OR2L13: variants seen among roughly 807,000 people sequenced by gnomAD.
OR2L13 encodes olfactory receptor 2L13.
OR2L13 carries 14 observed loss-of-function variants against 15.3 expected under a neutral mutation model. The observed-to-expected ratio is 0.91, with a 90% CI of 0.60 to 1.43. The LOEUF is 1.43. OR2L13 is among the 40% of genes most tolerant of loss of function. The pLI is 0.00. For synonymous variants in OR2L13, 152 were observed against 142.9 expected (o/e 1.06, Z -0.45); for missense variants, 367 against 387.9 (o/e 0.95, Z 0.45).
chr1:247,988,485 A>T, the OR2L13 span, among the ~76,000 whole-genome samples: 1 of 152,124 alleles, frequency 6.6e-6, no homozygotes, highest in Non-Finnish European at 1.5e-5. Context: ...TTAAAAAATC[A>T]TTCTTTTTGC....
the OR2L13 span, among the ~76,000 whole-genome samples, chr1:247,981,718 C>A: frequency 7.1e-6 from 1 of 140,926 alleles, no homozygotes; most frequent in African/African-American, 3.2e-5. Flanking sequence ...GTTGAGGGCA[C>A]TGATAATGAG....
chr1:248,060,645 T>C, the OR2L13 span: 1 of 1,532,114 alleles, frequency 6.5e-7, no homozygotes, highest in South Asian at 1.2e-5. Context: ...TAACTTACCC[T>C]TGTGTCTCCC....
At chr1:248,072,302 A>C in the OR2L13 span, among the ~76,000 whole-genome samples, 1 of 152,362 alleles carries the variant, frequency 6.6e-6, no homozygotes, top group Non-Finnish European at 1.5e-5. Context: ...GGAACAGAAC[A>C]GAGTCCTCAG....
the OR2L13 span, among the ~76,000 whole-genome samples, chr1:247,978,132 G>C: frequency 6.6e-6 from 1 of 152,292 alleles, no homozygotes; most frequent in Non-Finnish European, 1.5e-5. Flanking sequence ...CACCAATCTT[G>C]CTGCTGCTCA....
chr1:247,966,217 G>A, the OR2L13 span: 1 of 1,613,608 alleles, frequency 6.2e-7, no homozygotes, highest in Non-Finnish European at 8.5e-7. Flanking sequence ...TTACACCATT[G>A]TCACACCTCT....
At chr1:248,041,834 G>A in the OR2L13 span, 11 of 152,156 alleles carry the variant, frequency 7.2e-5, no homozygotes, top group African/African-American at 2.7e-4. Flanking sequence ...CAGTTAGAAT[G>A]GCAATCATTA....
At chr1:248,027,306 T>A in the OR2L13 span, among the ~76,000 whole-genome samples, 1 of 152,208 alleles carries the variant, frequency 6.6e-6, no homozygotes, top group Non-Finnish European at 1.5e-5. Context: ...TGAGAAGATG[T>A]TATCAATGAC....
At chr1:248,060,803 A>G in the OR2L13 span, 1 of 1,613,948 alleles carries the variant, frequency 6.2e-7, no homozygotes, top group Non-Finnish European at 8.5e-7. Context: ...CTAATTGGAA[A>G]CCTATCCATG....
At chr1:247,986,570 G>T in the OR2L13 span, among the ~76,000 whole-genome samples, 1 of 152,156 alleles carries the variant, frequency 6.6e-6, no homozygotes, top group East Asian at 1.9e-4. Flanking sequence ...TGTTCTTTTG[G>T]CTTAGGATTG....
the OR2L13 span, chr1:247,949,005 T>C: frequency 1.2e-6 from 2 of 1,613,820 alleles, no homozygotes; most frequent in Non-Finnish European, 8.5e-7. Flanking sequence ...TCTCATCTTC[T>C]TGGACACCCA....
At chr1:248,060,698 A>C in the OR2L13 span, 1 of 1,612,786 alleles carries the variant, frequency 6.2e-7, no homozygotes. Flanking sequence ...AATTACAATC[A>C]AACATCAACT....
the OR2L13 span, among the ~76,000 whole-genome samples, chr1:248,044,671 C>T: frequency 1.7e-5 from 2 of 117,854 alleles, no homozygotes; most frequent in Admixed American, 7.4e-5. Context: ...GGCGCGGTGG[C>T]GGGCGCCTGT....
the OR2L13 span, chr1:248,061,934 G>T: frequency 4.6e-6 from 1 of 215,846 alleles, no homozygotes. Flanking sequence ...TTGGCACTCA[G>T]CATAACAATT....
the OR2L13 span, among the ~76,000 whole-genome samples, chr1:248,070,716 G>T: frequency 2.0e-5 from 3 of 151,996 alleles, no homozygotes; most frequent in Admixed American, 6.6e-5. Flanking sequence ...CAACAAAATT[G>T]ATAGACCACT....
chr1:248,092,810 A>G (rs1248335925), upstream of OR2L13, among the ~76,000 whole-genome samples: 6 of 152,120 alleles, frequency 3.9e-5, no homozygotes. Flanking sequence ...AATATCCATC[A>G]CCGCTCCAAC....
chr1:248,044,075 C>G, the OR2L13 span, among the ~76,000 whole-genome samples: 2 of 152,090 alleles, frequency 1.3e-5, no homozygotes, highest in South Asian at 4.1e-4. Flanking sequence ...CTAGAAATAT[C>G]AAACTATCTA....
chr1:248,052,517 A>G, the OR2L13 span, among the ~76,000 whole-genome samples: 1 of 152,142 alleles, frequency 6.6e-6, no homozygotes, highest in Admixed American at 6.6e-5. Context: ...TCACAAGGTA[A>G]GGAGGTTGAG....
chr1:248,075,676 C>T, the OR2L13 span, among the ~76,000 whole-genome samples: 1 of 152,166 alleles, frequency 6.6e-6, no homozygotes, highest in Non-Finnish European at 1.5e-5. Context: ...TGTTCATATC[C>T]TTTGCCCAAT....
the OR2L13 span, among the ~76,000 whole-genome samples, chr1:248,074,721 G>T: frequency 6.6e-6 from 1 of 152,066 alleles, no homozygotes; most frequent in African/African-American, 2.4e-5. Flanking sequence ...ATTACCTATT[G>T]GGTGGTATGC....
Sources: gnomAD v4.1 joint callset for allele counts (sites outside exome capture counted in the v4.1 genomes callset) on GRCh38, gnomAD v4.1.1 for gene constraint, MANE v1.5 for transcripts, NCBI Gene and HGNC (gene_info 2026-07-23, HGNC 2026-07-21) for gene names.